CD163L1: variants seen among roughly 807,000 people sequenced by gnomAD.
CD163L1 encodes scavenger receptor cysteine-rich type 1 protein M160.
A neutral mutation model predicts 165.4 loss-of-function variants in CD163L1; 124 were observed. The ratio of observed to expected loss-of-function variants is 0.75; its 90% confidence interval spans 0.65 to 0.87. The LOEUF is 0.87. Ranked by LOEUF, CD163L1 falls within the 40% of genes least tolerant of loss-of-function variation. The pLI is 0.00. For synonymous variants in CD163L1, 585 were observed against 662.2 expected (o/e 0.88, Z 1.79); for missense variants, 1,525 against 1,799.9 (o/e 0.85, Z 2.76).
In CD163L1 at chr12:7,374,625, T is replaced by C; in HGVS notation, c.3226A>G (p.Lys1076Glu). The C allele has an allele frequency of 6.2e-7, 1 of 1,614,172 alleles. No individual in the cohort carries two copies. Among genetic ancestry groups the C allele is most frequent in the Non-Finnish European group, 8.5e-7 (1 of 1,180,018 alleles). The change falls in exon 13 of 20, where the codon AAG (lysine) becomes GAG (glutamate). Residue 1076 changes from lysine to glutamate, a missense_variant. Coordinates refer to ENST00000313599, the MANE Select transcript of CD163L1 (RefSeq NM_174941.6). This position sits in a 1 kb window ranked among gnomAD's most constrained non-coding sequence, Gnocchi z 5.4. Reference sequence around the variant, plus strand: ...TTGAAGGCCACTCCACAGCCCAGCTTTTGACACACCACGTGGGCATCGCTC... The same window carrying C: ...TTGAAGGCCACTCCACAGCCCAGCTCTTGACACACCACGTGGGCATCGCTC... The part of the protein sequence containing the change: ...DLSDAHVVCQ[K>E]LGCGVAFNAT...
At chr12:7,443,773 T>G (rs1179261382) in intron 1 of CD163L1, among the ~76,000 whole-genome samples, 1 of 152,214 alleles carries the variant, frequency 6.6e-6, no homozygotes. Context: ...CTGTAGTACC[T>G]GGCACTTGAT....
chr12:7,380,737 C>T (rs182253145), intron 8 of CD163L1, among the ~76,000 whole-genome samples: 11 of 152,128 alleles, frequency 7.2e-5, no homozygotes, highest in East Asian at 5.8e-4. Flanking sequence ...AAAGAACTTA[C>T]TCATGTAACT....
rs781685139 is a variant in CD163L1 at position 7,375,506 on chromosome 12, C to T, written c.2776G>A (p.Asp926Asn). ...GCATCTTCTGGGTCCCAGTGGGTGT[C>T]ACACAGTGAGCCCCAGTGTCCAAGC... is the stretch of plus-strand genomic sequence containing the variant. ...NVLGHWGSLC[D>N]THWDPEDARV... Residue 926 changes from aspartate (D) to asparagine (N), a missense_variant, in exon 11 of 20, where the codon GAC (aspartate) becomes AAC (asparagine). Coordinates refer to ENST00000313599, the MANE Select transcript of CD163L1 (RefSeq NM_174941.6). The T allele has an allele frequency of 6.2e-7, 1 of 1,614,082 alleles. No individual in the cohort carries two copies. Among genetic ancestry groups the T allele is most frequent in the Non-Finnish European group, 8.5e-7 (1 of 1,180,024 alleles).
chr12:7,421,583 A>G (rs1243584450), intron 4 of CD163L1, among the ~76,000 whole-genome samples: 2 of 124,652 alleles, frequency 1.6e-5, no homozygotes, highest in African/African-American at 6.6e-5. Context: ...ACATGTACAT[A>G]TATACATATA....
chr12:7,323,232 A>T, the CD163L1 span: 1 of 1,605,718 alleles, frequency 6.2e-7, no homozygotes, highest in Admixed American at 1.7e-5. Flanking sequence ...TCCTCTCAAT[A>T]GGGAATGATT....
chr12:7,424,361 C>T (rs1016947204), intron 4 of CD163L1, among the ~76,000 whole-genome samples: 15 of 151,494 alleles, frequency 9.9e-5, no homozygotes, highest in South Asian at 2.1e-4. Flanking sequence ...CTATTTATGA[C>T]AAACCCATAG....
chr12:7,421,441 A>G lies in CD163L1; in HGVS notation c.766+10975T>C, dbSNP rs771264212. ...TATATACATATATGTACATATATAC[A>G]TATACATATATGTACATATATACAT... is the stretch of plus-strand genomic sequence containing the variant. On this transcript the variant is annotated intron_variant, in intron 4 of 19. Coordinates refer to ENST00000313599, the MANE Select transcript of CD163L1 (RefSeq NM_174941.6). Among the ~76,000 whole-genome samples the G allele has an allele frequency of 4.6e-3, 459 of 100,780 alleles. 26 individuals are homozygous for G. The highest frequency in any genetic ancestry group is 0.02 in the African/African-American group (427 of 21,042). 66.1% of individuals were successfully genotyped at this position (100,780 alleles called of 152,430 possible). A position where few individuals can be genotyped will look rare whatever the true frequency, so the allele number is the denominator to read the frequency against.
intron 2 of CD163L1, among the ~76,000 whole-genome samples, chr12:7,435,881 C>T (rs1591972441): frequency 6.6e-6 from 1 of 151,934 alleles, no homozygotes; most frequent in East Asian, 1.9e-4. Flanking sequence ...ATAATTATAG[C>T]CATTGCAACA....
At chr12:7,439,900 C>T (rs1353176143) in intron 2 of CD163L1, 8 of 1,604,446 alleles carry the variant, frequency 5.0e-6, no homozygotes, top group South Asian at 2.2e-5. Context: ...TACTCCAACT[C>T]CTTCTTCGAC....
chr12:7,322,466 C>T, the CD163L1 span: 1 of 1,613,892 alleles, frequency 6.2e-7, no homozygotes, highest in Non-Finnish European at 8.5e-7. Flanking sequence ...GGGAGCCACT[C>T]AACCCAGAAG....
At chr12:7,421,619 GTACATATATACATATATGTACACA>G (rs1565810836) in intron 4 of CD163L1, among the ~76,000 whole-genome samples, 8 of 2,848 alleles carry the variant, frequency 2.8e-3, no homozygotes, top group Non-Finnish European at 9.0e-3. Context: ...ATACATATAT[GTACATATATACATATATGTACACA>G]TATACATATA....
At chr12:7,399,584 C>T (rs139209771) in intron 6 of CD163L1, among the ~76,000 whole-genome samples, 1,832 of 61,240 alleles carry the variant, frequency 0.03, 45 homozygotes, top group African/African-American at 0.11. Flanking sequence ...TTCTCTCTCT[C>T]TCTTTCTTTC....
chr12:7,395,415 C>T (rs911833231), intron 8 of CD163L1, among the ~76,000 whole-genome samples: 31 of 151,912 alleles, frequency 2.0e-4, no homozygotes, highest in African/African-American at 6.5e-4. Flanking sequence ...GGACACAGGG[C>T]GGGGAACATC....
rs1565774185 is a variant in CD163L1, at chr12:7,367,214, CG to C, written c.4279+21del. On this transcript the variant is annotated intron_variant, in intron 18 of 19. Coordinates refer to ENST00000313599, the MANE Select transcript of CD163L1 (RefSeq NM_174941.6). ...ATATTCCCACCCTCTCCATGGAGTG[CG>C]GCCCCTGGAGTTGCACAGACCTGAG... is the stretch of plus-strand genomic sequence containing the variant. The C allele has an allele frequency of 4.0e-6, 6 of 1,486,054 alleles. No individual in the cohort carries two copies. In the East Asian group the frequency reaches 1.4e-4, roughly 34 times the overall value. 92.1% of individuals were successfully genotyped at this position (1,486,054 alleles called of 1,614,324 possible). A position where few individuals can be genotyped will look rare whatever the true frequency, so the allele number is the denominator to read the frequency against.
At chr12:7,442,796 C>T (rs1416808346) in intron 1 of CD163L1, among the ~76,000 whole-genome samples, 1 of 152,054 alleles carries the variant, frequency 6.6e-6, no homozygotes, top group Non-Finnish European at 1.5e-5. Context: ...CTCTGAGTGC[C>T]CATTTGTAAG....
intron 18 of CD163L1, 31 bp downstream of exon 18, chr12:7,367,205 C>T: frequency 1.4e-6 from 2 of 1,385,138 alleles, no homozygotes; most frequent in East Asian, 4.6e-5. Context: ...CCACCCTCTC[C>T]ATGGAGTGCG....
At chr12:7,435,989 A>G (rs1948708000) in intron 2 of CD163L1, among the ~76,000 whole-genome samples, 1 of 152,216 alleles carries the variant, frequency 6.6e-6, no homozygotes, top group Non-Finnish European at 1.5e-5. Flanking sequence ...AATAAGCAAA[A>G]CTAAACAATA....
chr12:7,376,028 T>G lies in CD163L1; in HGVS notation c.2372-14A>C, dbSNP rs1345007950. Reference sequence around the variant, plus strand: ...GCTGCCTGTGGGCTATAAAATAATATTTCAAAGGTTAGTTTTTAGGGTTTT... The same window carrying G: ...GCTGCCTGTGGGCTATAAAATAATAGTTCAAAGGTTAGTTTTTAGGGTTTT... On this transcript the variant is annotated splice_polypyrimidine_tract_variant and intron_variant, in intron 9 of 19. Coordinates refer to ENST00000313599, the MANE Select transcript of CD163L1 (RefSeq NM_174941.6). The G allele has an allele frequency of 6.2e-7, 1 of 1,604,358 alleles. No homozygotes were observed. The highest frequency in any genetic ancestry group is 1.7e-5 in the Admixed American group (1 of 58,978).
intron 4 of CD163L1, among the ~76,000 whole-genome samples, chr12:7,417,502 G>T (rs1253312275): frequency 6.6e-6 from 1 of 152,080 alleles, no homozygotes; most frequent in African/African-American, 2.4e-5. Context: ...TTTTCAAAGG[G>T]GATGTTTCCA....
Sources: allele counts gnomAD v4.1 joint callset (sites outside exome capture counted in the v4.1 genomes callset), GRCh38; gene constraint gnomAD v4.1.1; non-coding constraint Gnocchi (gnomAD v3.1); transcripts MANE v1.5; gene names NCBI Gene and HGNC (gene_info 2026-07-23, HGNC 2026-07-21).